Variants in SLC35F1 observed in about 807,000 individuals in gnomAD.
The protein encoded by SLC35F1 is solute carrier family 35 member F1.
A neutral mutation model predicts 48.7 loss-of-function variants in SLC35F1; 14 were observed. That is an observed-to-expected ratio of 0.29 (90% CI 0.19 to 0.45). SLC35F1 has a LOEUF of 0.45. SLC35F1 is among the 20% of genes least tolerant of loss of function. The probability of loss-of-function intolerance (pLI) is 1.00; values close to 1 mark genes in which losing one functional copy is unlikely to be tolerated. For synonymous variants in SLC35F1, 190 were observed against 202.2 expected (o/e 0.94, Z 0.51); for missense variants, 404 against 500.0 (o/e 0.81, Z 1.83).
chr6:118,252,199 G>A (rs750426909), intron 3 of SLC35F1, among the ~76,000 whole-genome samples: 3 of 152,138 alleles, frequency 2.0e-5, no homozygotes. Flanking sequence ...ATTGCTGCTG[G>A]TGGAGTATTG....
chr6:118,143,862 C>T (rs1773929764), intron 1 of SLC35F1, among the ~76,000 whole-genome samples: 1 of 152,108 alleles, frequency 6.6e-6, no homozygotes, highest in Non-Finnish European at 1.5e-5. Flanking sequence ...GAAAATGAGT[C>T]TCAGCTAGTT....
At chr6:118,028,614 C>G (rs1771993169) in intron 1 of SLC35F1, among the ~76,000 whole-genome samples, 1 of 151,920 alleles carries the variant, frequency 6.6e-6, no homozygotes, top group South Asian at 2.1e-4. Context: ...GGGGAGGATC[C>G]ACAGAACAAA....
At chr6:118,279,383 A>T (rs977849282) in intron 6 of SLC35F1, among the ~76,000 whole-genome samples, 3 of 152,188 alleles carry the variant, frequency 2.0e-5, no homozygotes, top group African/African-American at 7.2e-5. Context: ...ATGTGTTTAC[A>T]CCAGGGCCTC....
chr6:118,291,574 A>C (rs1219177574), intron 7 of SLC35F1, among the ~76,000 whole-genome samples: 1 of 152,172 alleles, frequency 6.6e-6, no homozygotes, highest in East Asian at 1.9e-4. Flanking sequence ...AAATTTATCT[A>C]TTTGGTTAAA....
chr6:117,938,041 A>C (rs1294944499), intron 1 of SLC35F1, among the ~76,000 whole-genome samples: 2 of 152,212 alleles, frequency 1.3e-5, no homozygotes, highest in East Asian at 3.8e-4. Context: ...TCTATGGCAT[A>C]AAATGACATC....
At chr6:117,995,204 CA>C (rs1424904476) in intron 1 of SLC35F1, among the ~76,000 whole-genome samples, 1 of 152,166 alleles carries the variant, frequency 6.6e-6, no homozygotes, top group Non-Finnish European at 1.5e-5. Flanking sequence ...CTTCATTAAA[CA>C]AAAATTTTGC....
At chr6:118,268,546 T>C (rs983060527) in intron 4 of SLC35F1, among the ~76,000 whole-genome samples, 3 of 149,274 alleles carry the variant, frequency 2.0e-5, no homozygotes, top group Admixed American at 6.7e-5. Flanking sequence ...TATTTTTGTC[T>C]TATACAATGT....
At chr6:118,309,752 C>A (rs1582782537) in intron 7 of SLC35F1, among the ~76,000 whole-genome samples, 1 of 152,176 alleles carries the variant, frequency 6.6e-6, no homozygotes, top group South Asian at 2.1e-4. Context: ...AAAATTTGGT[C>A]TGTGATGTGC....
At chr6:118,169,828 C>G (rs1025872959) in intron 2 of SLC35F1, among the ~76,000 whole-genome samples, 7 of 151,972 alleles carry the variant, frequency 4.6e-5, no homozygotes, top group African/African-American at 1.4e-4. Context: ...GAAATCAAAT[C>G]AACATGTACT....
At chr6:118,154,146 T>A (rs1235571767) in intron 1 of SLC35F1, among the ~76,000 whole-genome samples, 1 of 151,948 alleles carries the variant, frequency 6.6e-6, no homozygotes, top group Non-Finnish European at 1.5e-5. Flanking sequence ...CACCCAGAGG[T>A]CAGTAGCTAG....
At chr6:118,044,043 A>G (rs1772265478) in intron 1 of SLC35F1, among the ~76,000 whole-genome samples, 1 of 152,224 alleles carries the variant, frequency 6.6e-6, no homozygotes, top group Non-Finnish European at 1.5e-5. Flanking sequence ...GTGAACTGGC[A>G]GCACTTTATA....
intron 2 of SLC35F1, among the ~76,000 whole-genome samples, chr6:118,186,256 T>A (rs1774655359): frequency 6.6e-6 from 1 of 151,802 alleles, no homozygotes; most frequent in Non-Finnish European, 1.5e-5. Flanking sequence ...AGGAGAGGAG[T>A]AAGAAGAGTT....
At chr6:118,263,015 G>T (rs1775731213) in intron 3 of SLC35F1, among the ~76,000 whole-genome samples, 1 of 152,098 alleles carries the variant, frequency 6.6e-6, no homozygotes, top group Admixed American at 6.6e-5. Context: ...CAGCCATTGT[G>T]TACTGTGTGC....
rs17079734 is a variant in SLC35F1, at chr6:118,123,726, C to A, written c.174-30719C>A. On this transcript the variant is annotated intron_variant, in intron 1 of 7. Transcript: ENST00000360388. The stretch of plus-strand genomic sequence containing the variant: ...TCCTATCTCTTGTCAAAACATTACA[C>A]CATTTTCTGGAACACCTTGCTTAAA... Among the ~76,000 whole-genome samples the A allele has an allele frequency of 1.1e-3, 174 of 152,302 alleles. 3 individuals carry two copies. The East Asian group carries it at 0.016, about 14-fold the overall frequency.
At chr6:118,233,492 A>G (rs1775323209) in intron 2 of SLC35F1, among the ~76,000 whole-genome samples, 1 of 152,194 alleles carries the variant, frequency 6.6e-6, no homozygotes, top group Non-Finnish European at 1.5e-5. Flanking sequence ...AGAGTGACTC[A>G]TATTCTAGCA....
intron 1 of SLC35F1, among the ~76,000 whole-genome samples, chr6:118,009,061 G>A (rs1244449457): frequency 6.6e-6 from 1 of 152,106 alleles, no homozygotes; most frequent in African/African-American, 2.4e-5. Context: ...ATCACTTTCT[G>A]TATCTATGTC....
intron 1 of SLC35F1, among the ~76,000 whole-genome samples, chr6:117,952,170 GTGTC>G (rs1368467295): frequency 2.0e-5 from 3 of 152,184 alleles, no homozygotes; most frequent in African/African-American, 4.8e-5. Context: ...ACACTTGTGT[GTGTC>G]TGTATGAGTG....
rs371372811 is a variant in SLC35F1 at position 118,242,613 on chromosome 6, A to T, written c.477+6977A>T. On this transcript the variant is annotated intron_variant, in intron 3 of 7. Coordinates refer to ENST00000360388, the MANE Select transcript of SLC35F1 (RefSeq NM_001029858.4). ...TGCTGTGACTTTGAGAGAGATTAGC[A>T]ATGACATTTGGACACATTTTCAAAG... 1.4e-4 allele frequency among the ~76,000 whole-genome samples: 21 copies of T among 152,244 alleles called. No homozygotes were observed. The East Asian group carries it at 2.5e-3, about 18-fold the overall frequency.
intron 6 of SLC35F1, among the ~76,000 whole-genome samples, chr6:118,284,799 A>C (rs1776030222): frequency 6.6e-6 from 1 of 152,200 alleles, no homozygotes; most frequent in Admixed American, 6.5e-5. Flanking sequence ...TTTTGTTGCT[A>C]TTACTCAAAT....
Sources: gnomAD v4.1 joint callset for allele counts (sites outside exome capture counted in the v4.1 genomes callset) on GRCh38, gnomAD v4.1.1 for gene constraint, MANE v1.5 for transcripts, NCBI Gene and HGNC (gene_info 2026-07-23, HGNC 2026-07-21) for gene names.